Variants in CARMIL1 observed in about 807,000 individuals in gnomAD.
The protein encoded by CARMIL1 is F-actin-uncapping protein LRRC16A.
In CARMIL1, 90 loss-of-function variants were observed where a neutral mutation model predicts 177.1. The observed-to-expected ratio is 0.51, with a 90% CI of 0.43 to 0.61. The LOEUF is 0.61. CARMIL1 is among the 20% of genes least tolerant of loss of function. The probability of loss-of-function intolerance (pLI) is 0.00; values close to 1 mark genes in which losing one functional copy is unlikely to be tolerated. For missense variants in CARMIL1, 1,380 were observed against 1,667.0 expected (o/e 0.83, Z 3.00); for synonymous variants, 577 against 606.2 (o/e 0.95, Z 0.71).
chr6:25,581,012 A>G (rs552053345), intron 30 of CARMIL1, 22 bp downstream of exon 30: 147 of 1,580,302 alleles, frequency 9.3e-5, no homozygotes, highest in Admixed American at 2.5e-4. Context: ...GCTGCTGCCA[A>G]TCATTTCCTT....
At chr6:25,502,674 T>C (rs1804512065) in intron 17 of CARMIL1, among the ~76,000 whole-genome samples, 1 of 152,220 alleles carries the variant, frequency 6.6e-6, no homozygotes, top group African/African-American at 2.4e-5. Context: ...GCCAGCAGTC[T>C]AACATCTTTT....
At chr6:25,598,549 A>T (rs1815072518) in intron 32 of CARMIL1, among the ~76,000 whole-genome samples, 2 of 152,036 alleles carry the variant, frequency 1.3e-5, no homozygotes, top group Non-Finnish European at 2.9e-5. Context: ...CATTACTCAG[A>T]TTTTTTATTT....
In CARMIL1 at chr6:25,351,439, A is replaced by G. The variant is rs114726851; in HGVS notation, c.138+66530A>G. On this transcript the variant is annotated intron_variant, in intron 2 of 36. Coordinates refer to ENST00000329474, the MANE Select transcript of CARMIL1 (RefSeq NM_017640.6). ...ATTCTGCTGTATTTGATGGTAAGAA[A>G]GGGTGAGCAGCCTGTTGTCTAGATC... Among the ~76,000 whole-genome samples, 1,124 of 152,360 alleles carry G rather than the reference A, an allele frequency of 7.4e-3. 11 individuals are homozygous for G. Among genetic ancestry groups the G allele is most frequent in the African/African-American group, 0.025 (1,041 of 41,584 alleles).
chr6:25,308,377 ATTTTTT>A (rs35167760), intron 2 of CARMIL1, among the ~76,000 whole-genome samples: 1 of 118,848 alleles, frequency 8.4e-6, no homozygotes, highest in African/African-American at 3.3e-5. Flanking sequence ...TTGTACAACC[ATTTTTT>A]TTTTTTTTTT....
chr6:25,495,135 T>C lies in CARMIL1; in HGVS notation c.1245T>C (p.Ser415=). The C allele has an allele frequency of 6.2e-7, 1 of 1,613,138 alleles. No homozygotes were observed. Among genetic ancestry groups the C allele is most frequent in the Non-Finnish European group, 8.5e-7 (1 of 1,179,372 alleles). ...SHRKGKEVPP[S]FKQFFSSSLA... is the part of the protein sequence containing the mutation. Reference sequence around the variant, plus strand: ...GGAAAGGAAAAGAAGTACCTCCATCTTTCAAGCAATTTTTTAGTAGTTCTC... The same window carrying C: ...GGAAAGGAAAAGAAGTACCTCCATCCTTCAAGCAATTTTTTAGTAGTTCTC... Residue 415 remains serine (S), a synonymous_variant, in exon 16 of 37, where the codon TCT becomes TCC. Coordinates refer to ENST00000329474, the MANE Select transcript of CARMIL1 (RefSeq NM_017640.6).
chr6:25,393,490 A>C (rs1428002893), intron 2 of CARMIL1: 2 of 150,922 alleles, frequency 1.3e-5, no homozygotes, highest in African/African-American at 4.9e-5. Context: ...TGGGAGGCAG[A>C]GTTTGCAGTG....
chr6:25,385,432 C>T (rs997959809), intron 2 of CARMIL1, among the ~76,000 whole-genome samples: 1 of 152,156 alleles, frequency 6.6e-6, no homozygotes, highest in East Asian at 1.9e-4. Flanking sequence ...GGAGTGAGGA[C>T]TGGAGACAGA....
intron 2 of CARMIL1, among the ~76,000 whole-genome samples, chr6:25,311,708 C>A (rs1352263400): frequency 1.3e-5 from 2 of 151,952 alleles, no homozygotes; most frequent in Non-Finnish European, 2.9e-5. Flanking sequence ...AAGGTACACA[C>A]CTAATAGATA....
intron 2 of CARMIL1, among the ~76,000 whole-genome samples, chr6:25,380,144 T>C (rs1791384439): frequency 6.6e-6 from 1 of 152,214 alleles, no homozygotes; most frequent in African/African-American, 2.4e-5. Flanking sequence ...TAAAGCCATA[T>C]GGACCAAAAG....
At chr6:25,525,157 C>G (rs1806967851) in intron 23 of CARMIL1, among the ~76,000 whole-genome samples, 1 of 151,926 alleles carries the variant, frequency 6.6e-6, no homozygotes, top group African/African-American at 2.4e-5. Flanking sequence ...GGATAAATAC[C>G]AAAAAAGCAC....
intron 7 of CARMIL1, 90 bp downstream of exon 7, chr6:25,450,499 C>A (rs1798677121): frequency 1.6e-6 from 2 of 1,248,288 alleles, no homozygotes; most frequent in East Asian, 2.4e-5. Context: ...TTTTTCCCTT[C>A]ATTTATTTTT....
At chr6:25,339,038 T>G (rs1260426393) in intron 2 of CARMIL1, among the ~76,000 whole-genome samples, 4 of 152,174 alleles carry the variant, frequency 2.6e-5, no homozygotes, top group African/African-American at 9.7e-5. Flanking sequence ...TCATGATTTT[T>G]TTTCTTAGTT....
chr6:25,449,736 C>CTAGATT, intron 5 of CARMIL1, among the ~76,000 whole-genome samples, 162 bp from the exon 6 acceptor site: 1 of 152,084 alleles, frequency 6.6e-6, no homozygotes, highest in Non-Finnish European at 1.5e-5. Context: ...AGATTTCTAG[C>CTAGATT]TCTCTAGTGC....
At position 25,422,914 on chromosome 6, in the gene CARMIL1, A is replaced by G. The variant is rs183830222; in HGVS notation, c.189+2750A>G. Among the ~76,000 whole-genome samples the G allele has an allele frequency of 9.3e-4, 142 of 152,250 alleles. 1 individual carries two copies. The highest frequency in any genetic ancestry group is 3.2e-3 in the African/African-American group (135 of 41,546). On this transcript the variant is annotated intron_variant, in intron 3 of 36. Coordinates refer to ENST00000329474, the MANE Select transcript of CARMIL1 (RefSeq NM_017640.6). Reference sequence around the variant, plus strand: ...GGCTTGGCTCCGTCCTGTGATGTATATAATGTTTCACAGCCAGCCTGGCCA... The same window carrying G: ...GGCTTGGCTCCGTCCTGTGATGTATGTAATGTTTCACAGCCAGCCTGGCCA...
rs188817126 is a variant in CARMIL1 at position 25,519,077 on chromosome 6, A to G, written c.1875-1167A>G. On this transcript the variant is annotated intron_variant, in intron 22 of 36. Transcript: ENST00000329474. ...GGTGAATATTTTTTTCCATTAGCCC[A>G]TCTAGACTGCTACTATTAACTTGAT... Among the ~76,000 whole-genome samples the G allele has an allele frequency of 5.3e-5, 8 of 152,370 alleles. No individual in the cohort carries two copies. In the East Asian group the frequency reaches 1.5e-3, roughly 29 times the overall value.
Position 25,330,564 on chromosome 6 carries a change from G to A in CARMIL1, c.138+45655G>A, listed in dbSNP as rs140188608. Among the ~76,000 whole-genome samples, 522 of 152,226 alleles carry A rather than the reference G, an allele frequency of 3.4e-3. 2 individuals carry two copies. Among genetic ancestry groups the A allele is most frequent in the African/African-American group, 0.012 (490 of 41,536 alleles). On this transcript the variant is annotated intron_variant, in intron 2 of 36. Transcript: ENST00000329474. ...GGTTTAGAAGACAGTGAGGGGCTGGGTGTGGTGGCTCATGCCTGTAATCCT... is the reference window on the plus strand; with the variant it reads ...GGTTTAGAAGACAGTGAGGGGCTGGATGTGGTGGCTCATGCCTGTAATCCT...
rs1488780494 is a variant in CARMIL1 at position 25,610,168 on chromosome 6, A to G, written c.3966A>G (p.Thr1322=). Residue 1322 remains threonine (T), a synonymous_variant, in exon 36 of 37, where the codon ACA becomes ACG. Transcript: ENST00000329474. ...GQSSPQPSPR[T]FSQEVSRRSW... ...GTAGCCCCCAGCCCAGCCCCAGGAC[A>G]TTTTCACAGGAAGGTAAGGATTGTA... is the stretch of plus-strand genomic sequence containing the variant. The G allele has an allele frequency of 5.0e-6, 8 of 1,613,164 alleles. No homozygotes were observed. The highest frequency in any genetic ancestry group is 1.3e-5 in the African/African-American group (1 of 74,876).
At chr6:25,610,356 C>T (rs1241753223) in intron 36 of CARMIL1, among the ~76,000 whole-genome samples, 175 bp downstream of exon 36, 1 of 152,108 alleles carries the variant, frequency 6.6e-6, no homozygotes. Flanking sequence ...CTTGATTCAG[C>T]ATGATTGATG....
rs375496799 is a variant in CARMIL1 at position 25,520,253 on chromosome 6, A to C, written c.1884A>C (p.Thr628=). The C allele has an allele frequency of 2.0e-6, 3 of 1,522,858 alleles. No individual in the cohort carries two copies. Among genetic ancestry groups the C allele is most frequent in the African/African-American group, 2.8e-5 (2 of 72,144 alleles). The allele number at this position is 1,522,858 out of a possible 1,614,324, so 94.3% of individuals were successfully genotyped here. Residue 628 remains threonine (T), a synonymous_variant, in exon 23 of 37, where the codon ACA becomes ACC. Coordinates refer to ENST00000329474, the MANE Select transcript of CARMIL1 (RefSeq NM_017640.6). The part of the protein sequence containing the change: ...DIAVAMEKNY[T]LRFMPIPMYD... ...TTTCTCCTTTTTCTAGGAACTACAC[A>C]TTAAGATTTATGCCAATTCCTATGT... is the stretch of plus-strand genomic sequence containing the variant.
Sources: gnomAD v4.1 joint callset for allele counts (sites outside exome capture counted in the v4.1 genomes callset) on GRCh38, gnomAD v4.1.1 for gene constraint, MANE v1.5 for transcripts, NCBI Gene and HGNC (gene_info 2026-07-23, HGNC 2026-07-21) for gene names.